ANKRD42: variants seen among roughly 807,000 people sequenced by gnomAD.
The protein encoded by ANKRD42 is ankyrin repeat domain 42.
In ANKRD42, 43 loss-of-function variants were observed where a neutral mutation model predicts 51.5. The ratio of observed to expected loss-of-function variants is 0.83; its 90% CI spans 0.65 to 1.08. The LOEUF (loss-of-function observed/expected upper bound fraction) is 1.08. Ranked by LOEUF, ANKRD42 falls within the 50% of genes least tolerant of loss-of-function variation. ANKRD42 has a pLI of 0.00. For missense variants in ANKRD42, 608 were observed against 629.3 expected (o/e 0.97, Z 0.36); for synonymous variants, 203 against 213.0 (o/e 0.95, Z 0.41).
At chr11:83,238,496 ACCAGTCTGG>A (rs539218103) in intron 8 of ANKRD42, among the ~76,000 whole-genome samples, 223 of 152,244 alleles carry the variant, frequency 1.5e-3, no homozygotes, top group African/African-American at 4.9e-3. Flanking sequence ...AGAGTTCGAG[ACCAGTCTGG>A]CCAACATGGT....
chr11:83,210,703 G>A (rs1862282271), intron 4 of ANKRD42, among the ~76,000 whole-genome samples: 2 of 152,160 alleles, frequency 1.3e-5, no homozygotes, highest in African/African-American at 4.8e-5. Context: ...AGCTTCAAAC[G>A]AATCTTAACC....
rs1862061079 is a variant in ANKRD42 at position 83,206,092 on chromosome 11, TCA to T, written c.263_264del (p.His88ArgfsTer36). The T allele has an allele frequency of 6.2e-7, 1 of 1,614,068 alleles. No homozygotes were observed. Among genetic ancestry groups the T allele is most frequent in the East Asian group, 2.2e-5 (1 of 44,884 alleles). On this transcript the variant is annotated frameshift_variant, in exon 3 of 11. Coordinates refer to ENST00000533342, the MANE Select transcript of ANKRD42 (RefSeq NM_001300975.2). LOFTEE classifies it high-confidence loss of function. ...TGGCTGCTCTGGCATGGAGCTGATA[TCA>T]CACACGTAACAACGAGAGGTTGGAC...
At chr11:83,209,460 A>G (rs1436967720) in intron 3 of ANKRD42, 7 of 1,467,978 alleles carry the variant, frequency 4.8e-6, no homozygotes, top group African/African-American at 2.8e-5. Flanking sequence ...GAGTATCGAC[A>G]TGTCGTGCTG....
At chr11:83,259,354 A>G (rs1301086927), downstream of ANKRD42, 1 of 152,196 alleles carries the variant, frequency 6.6e-6, no homozygotes, top group African/African-American at 2.4e-5. Context: ...AGTTTCATGG[A>G]AAGGATATAG....
At chr11:83,251,570 G>C (rs140302722), downstream of ANKRD42, among the ~76,000 whole-genome samples, 40 of 152,178 alleles carry the variant, frequency 2.6e-4, no homozygotes, top group East Asian at 7.5e-3. Context: ...ATTTCAACCT[G>C]TCTAGCCCCA....
intron 2 of ANKRD42, among the ~76,000 whole-genome samples, chr11:83,203,394 C>CTT (rs1246391612): frequency 1.4e-4 from 18 of 129,698 alleles, no homozygotes; most frequent in African/African-American, 3.7e-4. Flanking sequence ...TTTTTTCTTT[C>CTT]TTTTTTTTTT....
intron 2 of ANKRD42, among the ~76,000 whole-genome samples, chr11:83,201,655 C>A (rs1038862203): frequency 1.3e-5 from 2 of 152,218 alleles, no homozygotes; most frequent in Admixed American, 6.5e-5. Flanking sequence ...CACATCCTCT[C>A]CAGCATCTGT....
At position 83,228,256 on chromosome 11, in the gene ANKRD42, T is replaced by C. The variant is rs929154342; in HGVS notation, c.913+384T>C. 5.3e-4 allele frequency among the ~76,000 whole-genome samples: 70 copies of C among 132,392 alleles called. 1 individual carries two copies. The highest frequency in any genetic ancestry group is 1.0e-3 in the Non-Finnish European group (62 of 61,614). The allele number at this position is 132,392 out of a possible 152,430, so 86.9% of individuals were successfully genotyped here. A position where few individuals can be genotyped will look rare whatever the true frequency, so the allele number is the denominator to read the frequency against. Reference sequence around the variant, plus strand: ...CTTTTTTTTTTTTTTTTTTTTTTTTTTTTTTTTTTTTTTAGACCGGGTCTG... The same window carrying C: ...CTTTTTTTTTTTTTTTTTTTTTTTTCTTTTTTTTTTTTTAGACCGGGTCTG... On this transcript the variant is annotated intron_variant, in intron 7 of 10. Coordinates refer to ENST00000533342, the MANE Select transcript of ANKRD42 (RefSeq NM_001300975.2).
At chr11:83,215,515 C>G (rs1263990055) in intron 5 of ANKRD42, among the ~76,000 whole-genome samples, 1 of 152,040 alleles carries the variant, frequency 6.6e-6, no homozygotes, top group Non-Finnish European at 1.5e-5. Context: ...TTTGTAACTC[C>G]TACGTTCCTT....
intron 5 of ANKRD42, among the ~76,000 whole-genome samples, chr11:83,215,423 G>T (rs1862496632): frequency 1.3e-5 from 2 of 152,074 alleles, no homozygotes; most frequent in Admixed American, 6.6e-5. Context: ...TTTAATTGGA[G>T]AGTTAAGTCC....
rs764029903 is a variant in ANKRD42, at chr11:83,224,942, T to C, written c.674T>C (p.Phe225Ser). The change falls in exon 6 of 11, where the codon TTC becomes TCC. Residue 225 changes from phenylalanine to serine, a missense_variant. Phe to Ser is a radical substitution (Grantham distance 155). Transcript: ENST00000533342. ...AGTGCGACGCAAGTTTTAAAAGCTT[T>C]CAATGATAATGGAGAAAATGTACTG... ...MSSATQVLKA[F>S]NDNGENVLDL... 7.4e-6 allele frequency: 12 copies of C among 1,613,632 alleles called. No homozygotes were observed. In the Admixed American group the frequency reaches 2.0e-4, roughly 27 times the overall value.
intron 8 of ANKRD42, among the ~76,000 whole-genome samples, chr11:83,237,329 A>G (rs1379588494): frequency 6.6e-6 from 1 of 152,226 alleles, no homozygotes; most frequent in Non-Finnish European, 1.5e-5. Context: ...AGGAAGGTAA[A>G]AGTTATGAAG....
intron 5 of ANKRD42, among the ~76,000 whole-genome samples, chr11:83,220,890 G>A (rs1862700108): frequency 6.7e-6 from 1 of 148,708 alleles, no homozygotes; most frequent in Admixed American, 6.7e-5. Flanking sequence ...AATCTGTTTG[G>A]TGTTCTGAGA....
At chr11:83,239,439 T>C (rs906545696) in intron 8 of ANKRD42, among the ~76,000 whole-genome samples, 2 of 152,196 alleles carry the variant, frequency 1.3e-5, no homozygotes, top group African/African-American at 4.8e-5. Flanking sequence ...TTATGTATTA[T>C]GATTTTGGTG....
intron 5 of ANKRD42, chr11:83,213,170 C>T: frequency 6.2e-7 from 1 of 1,601,546 alleles, no homozygotes; most frequent in Admixed American, 1.7e-5. Context: ...ATCTTGATGC[C>T]CAACATTGGT....
chr11:83,206,339 A>G (rs11827269), intron 3 of ANKRD42, among the ~76,000 whole-genome samples, 174 bp downstream of exon 3: 3,227 of 152,300 alleles, frequency 0.021, 91 homozygotes, highest in African/African-American at 0.072. Flanking sequence ...AACAAATGGT[A>G]TGTGACCAGA....
intron 8 of ANKRD42, among the ~76,000 whole-genome samples, chr11:83,237,694 C>G (rs998651405): frequency 6.6e-6 from 1 of 152,156 alleles, no homozygotes; most frequent in Admixed American, 6.6e-5. Context: ...ATTGTCAGCT[C>G]AAGTCTATTT....
chr11:83,257,958 A>G (rs532051176), downstream of ANKRD42, among the ~76,000 whole-genome samples: 2 of 152,348 alleles, frequency 1.3e-5, no homozygotes, highest in East Asian at 1.9e-4. Flanking sequence ...TTTGCAGCCA[A>G]GAGACCAAGT....
chr11:83,258,865 C>G (rs1407908691), downstream of ANKRD42, among the ~76,000 whole-genome samples: 1 of 152,082 alleles, frequency 6.6e-6, no homozygotes, highest in Non-Finnish European at 1.5e-5. Flanking sequence ...CAAGTCCTTA[C>G]ATACTCTTGC....
Sources: allele counts gnomAD v4.1 joint callset (sites outside exome capture counted in the v4.1 genomes callset), GRCh38; gene constraint gnomAD v4.1.1; transcripts MANE v1.5; gene names NCBI Gene and HGNC (gene_info 2026-07-23, HGNC 2026-07-21).